LRRC8C: variants seen among roughly 807,000 people sequenced by gnomAD.
LRRC8C encodes volume-regulated anion channel subunit LRRC8C.
A neutral mutation model predicts 55.3 loss-of-function variants in LRRC8C; 20 were observed. The observed-to-expected ratio is 0.36, with a 90% CI of 0.25 to 0.53. The LOEUF is 0.53. LRRC8C is among the 20% of genes least tolerant of loss of function. LRRC8C has a pLI of 0.92. For synonymous variants in LRRC8C, 376 were observed against 360.7 expected (o/e 1.04, Z -0.48); for missense variants, 659 against 951.4 (o/e 0.69, Z 4.04).
At position 89,713,974 on chromosome 1, in the gene LRRC8C, T is replaced by C; in HGVS notation, c.1404T>C (p.Asn468=). The change falls in exon 3 of 3, where the codon AAT becomes AAC. Residue 468 remains asparagine, a synonymous_variant. Transcript: ENST00000370454. The surrounding 1 kb of genome is among the most constrained non-coding windows in gnomAD (Gnocchi z 5.2). ...MIPATIAQLD[N]LQELSLHQCS... is the part of the protein sequence containing the mutation. The stretch of plus-strand genomic sequence containing the variant: ...CAGCCACCATTGCACAGCTAGACAA[T>C]CTTCAAGAGCTCTCTCTGCACCAGT... 1.9e-6 allele frequency: 3 copies of C among 1,613,386 alleles called. No homozygotes were observed. The East Asian group carries it at 6.7e-5, about 36-fold the overall frequency.
intron 1 of LRRC8C, among the ~76,000 whole-genome samples, chr1:89,647,523 A>G (rs1359357401): frequency 2.0e-5 from 3 of 152,210 alleles, no homozygotes; most frequent in African/African-American, 7.2e-5. Flanking sequence ...AAAAAGCAGC[A>G]CAAAAGCATG....
intron 2 of LRRC8C, among the ~76,000 whole-genome samples, chr1:89,710,080 G>A (rs1276934490): frequency 2.0e-5 from 3 of 152,206 alleles, no homozygotes; most frequent in South Asian, 4.1e-4. Context: ...TAACAATATC[G>A]TATTAACAAT....
chr1:89,659,071 G>GTGTT (rs1657041826), intron 1 of LRRC8C, among the ~76,000 whole-genome samples: 1 of 90,208 alleles, frequency 1.1e-5, no homozygotes, highest in African/African-American at 4.2e-5. Context: ...TTGTGTGTGT[G>GTGTT]TGTGTGTGTG....
chr1:89,678,154 C>A (rs981887849), intron 1 of LRRC8C, among the ~76,000 whole-genome samples: 3 of 152,186 alleles, frequency 2.0e-5, no homozygotes, highest in Admixed American at 6.5e-5. Flanking sequence ...ATCTTCCTAC[C>A]ATGACAGTGT....
chr1:89,649,264 A>C (rs1272903447), intron 1 of LRRC8C, among the ~76,000 whole-genome samples: 1 of 152,194 alleles, frequency 6.6e-6, no homozygotes, highest in Non-Finnish European at 1.5e-5. Flanking sequence ...CATTACTGGA[A>C]TATCAATTGA....
At chr1:89,658,851 C>T (rs925800719) in intron 1 of LRRC8C, among the ~76,000 whole-genome samples, 18 of 151,846 alleles carry the variant, frequency 1.2e-4, no homozygotes, top group African/African-American at 4.1e-4. Flanking sequence ...AGTTTATAAG[C>T]GCCTGACCAA....
chr1:89,682,342 T>C (rs1333005450), intron 1 of LRRC8C, among the ~76,000 whole-genome samples: 1 of 152,212 alleles, frequency 6.6e-6, no homozygotes, highest in East Asian at 1.9e-4. Flanking sequence ...AGTTTGACTT[T>C]ATTTCCCATA....
chr1:89,703,961 A>T (rs1238735059), intron 2 of LRRC8C, among the ~76,000 whole-genome samples: 4 of 152,154 alleles, frequency 2.6e-5, no homozygotes, highest in African/African-American at 9.7e-5. Context: ...ACCTAAAAAA[A>T]TTATAAGAGT....
intron 1 of LRRC8C, among the ~76,000 whole-genome samples, chr1:89,662,622 A>G (rs1009380571): frequency 1.3e-5 from 2 of 152,054 alleles, no homozygotes. Context: ...ATCTGAATAT[A>G]TTTTTGTAGG....
chr1:89,641,181 C>T (rs989709274), intron 1 of LRRC8C, among the ~76,000 whole-genome samples: 5 of 152,056 alleles, frequency 3.3e-5, no homozygotes, highest in African/African-American at 1.2e-4. Flanking sequence ...GATGGAAATG[C>T]GTAAGTACTA....
chr1:89,685,750 C>A (rs1489789302), intron 1 of LRRC8C, among the ~76,000 whole-genome samples: 2 of 152,082 alleles, frequency 1.3e-5, no homozygotes, highest in East Asian at 3.9e-4. Context: ...AGTTTCCAGA[C>A]TGAACTGTTG....
At chr1:89,705,436 G>T (rs955867387) in intron 2 of LRRC8C, among the ~76,000 whole-genome samples, 1 of 151,280 alleles carries the variant, frequency 6.6e-6, no homozygotes, top group Non-Finnish European at 1.5e-5. Flanking sequence ...TAATAATAAA[G>T]AAATTTAGGG....
chr1:89,641,109 T>C (rs1376018421), intron 1 of LRRC8C, among the ~76,000 whole-genome samples: 4 of 152,148 alleles, frequency 2.6e-5, no homozygotes, highest in African/African-American at 9.7e-5. Flanking sequence ...AATATATGAA[T>C]AAAATATAAG....
intron 2 of LRRC8C, among the ~76,000 whole-genome samples, chr1:89,694,769 G>A (rs1477305710): frequency 1.3e-5 from 2 of 151,280 alleles, no homozygotes; most frequent in East Asian, 1.9e-4. Context: ...TGTATTTTTA[G>A]TAGAGACGGG....
the LRRC8C span, among the ~76,000 whole-genome samples, chr1:89,623,103 CTGAACCCTAG>C: frequency 6.6e-6 from 1 of 151,842 alleles, no homozygotes; most frequent in African/African-American, 2.4e-5. Context: ...TTCATCTTAT[CTGAACCCTAG>C]TGTTTTCATT....
At chr1:89,616,041 C>T in the LRRC8C span, among the ~76,000 whole-genome samples, 1 of 152,112 alleles carries the variant, frequency 6.6e-6, no homozygotes. Flanking sequence ...CCAGGTGAGA[C>T]ACCATCCTAA....
chr1:89,686,435 A>T lies in LRRC8C; in HGVS notation c.-4-35A>T. ...ACAATGCAGTATGTTGTACTGGAAG[A>T]TAAATTGATTTACAAGTAATCTCTC... On this transcript the variant is annotated intron_variant, in intron 1 of 2. Coordinates refer to ENST00000370454, the MANE Select transcript of LRRC8C (RefSeq NM_032270.5). 1.9e-6 allele frequency: 3 copies of T among 1,611,308 alleles called. 1 individual carries two copies. Among genetic ancestry groups the T allele is most frequent in the South Asian group, 2.2e-5 (2 of 90,898 alleles).
intron 2 of LRRC8C, among the ~76,000 whole-genome samples, chr1:89,696,128 G>C (rs1658165692): frequency 6.6e-6 from 1 of 152,120 alleles, no homozygotes; most frequent in Non-Finnish European, 1.5e-5. Flanking sequence ...TTGAATCCAG[G>C]ACCAAATGCC....
chr1:89,686,715 G>A, intron 2 of LRRC8C, 104 bp downstream of exon 2: 1 of 1,280,120 alleles, frequency 7.8e-7, no homozygotes, highest in Non-Finnish European at 1.1e-6. Context: ...GTAAGTATTA[G>A]TCACTGTTCT....
Sources: gnomAD v4.1 joint callset for allele counts (sites outside exome capture counted in the v4.1 genomes callset) on GRCh38, gnomAD v4.1.1 for gene constraint, Gnocchi (gnomAD v3.1) non-coding constraint, MANE v1.5 for transcripts, NCBI Gene and HGNC (gene_info 2026-07-23, HGNC 2026-07-21) for gene names.